Variants in PCDH15 observed in about 807,000 individuals in gnomAD.
PCDH15 encodes protocadherin-15.
A neutral mutation model predicts 178.5 loss-of-function variants in PCDH15; 129 were observed. The ratio of observed to expected loss-of-function variants is 0.72; its 90% CI spans 0.63 to 0.84. The LOEUF (loss-of-function observed/expected upper bound fraction) is 0.84. Among genes scored for constraint, PCDH15 ranks in the 40% least tolerant of loss-of-function variants. The probability of loss-of-function intolerance (pLI) is 0.00; values close to 1 mark genes in which losing one functional copy is unlikely to be tolerated. For synonymous variants in PCDH15, 800 were observed against 732.0 expected, an observed-to-expected ratio of 1.09 and a Z score of -1.50; for missense variants, 2,230 against 2,099.9, an observed-to-expected ratio of 1.06 and a Z score of -1.21.
intron 2 of PCDH15, among the ~76,000 whole-genome samples, chr10:55,417,277 G>A (rs1271403404): frequency 6.6e-6 from 1 of 151,602 alleles, no homozygotes; most frequent in Non-Finnish European, 1.5e-5. Flanking sequence ...CCAAATCATA[G>A]TGCAGCTATA....
intron 9 of PCDH15, among the ~76,000 whole-genome samples, chr10:54,218,743 T>C (rs563826996): frequency 3.3e-5 from 5 of 151,674 alleles, no homozygotes; most frequent in Non-Finnish European, 7.3e-5. Flanking sequence ...TATGAAACAG[T>C]TTTGAGAAAA....
At chr10:54,571,505 C>T (rs2089837333) in intron 2 of PCDH15, among the ~76,000 whole-genome samples, 1 of 151,980 alleles carries the variant, frequency 6.6e-6, no homozygotes, top group Non-Finnish European at 1.5e-5. Flanking sequence ...CTCATTAGAA[C>T]ACAATTATAA....
chr10:54,652,966 G>T (rs2094295311), intron 2 of PCDH15, among the ~76,000 whole-genome samples: 1 of 152,024 alleles, frequency 6.6e-6, no homozygotes, highest in Non-Finnish European at 1.5e-5. Flanking sequence ...GTTTTATTAA[G>T]AATACAAACA....
At chr10:54,082,879 A>T (rs986886835) in intron 16 of PCDH15, among the ~76,000 whole-genome samples, 1 of 152,118 alleles carries the variant, frequency 6.6e-6, no homozygotes, top group East Asian at 1.9e-4. Context: ...TATTTCCAGA[A>T]TATATAAAGG....
intron 1 of PCDH15, among the ~76,000 whole-genome samples, chr10:55,201,986 A>G (rs1840264326): frequency 6.6e-6 from 1 of 152,116 alleles, no homozygotes; most frequent in Admixed American, 6.5e-5. Context: ...AACTGCTTGT[A>G]GTAATTTCCT....
chr10:55,547,897 C>A (rs66717912), intron 2 of PCDH15, among the ~76,000 whole-genome samples: 1 of 102,054 alleles, frequency 9.8e-6, no homozygotes, highest in Non-Finnish European at 1.9e-5. Context: ...GTGTGTGTGT[C>A]TGTGTGTGTG....
chr10:55,560,913 G>A (rs568321954), intron 2 of PCDH15, among the ~76,000 whole-genome samples: 1 of 151,768 alleles, frequency 6.6e-6, no homozygotes, highest in South Asian at 2.1e-4. Flanking sequence ...AACTTTTGTT[G>A]CAAAAATTTC....
At chr10:54,049,528 T>C (rs1019618012) in intron 18 of PCDH15, among the ~76,000 whole-genome samples, 1 of 152,212 alleles carries the variant, frequency 6.6e-6, no homozygotes, top group Non-Finnish European at 1.5e-5. Context: ...TCTGATTATT[T>C]TGAAGTATTT....
intron 2 of PCDH15, among the ~76,000 whole-genome samples, chr10:54,981,948 T>C (rs1416270994): frequency 6.6e-6 from 1 of 151,560 alleles, no homozygotes; most frequent in Non-Finnish European, 1.5e-5. Flanking sequence ...TTTTTTTTTT[T>C]CTTTATAGAA....
chr10:54,853,318 T>TATATATATAC (rs1194965974), intron 3 of PCDH15, among the ~76,000 whole-genome samples: 2,085 of 101,548 alleles, frequency 0.021, 27 homozygotes, highest in Admixed American at 0.031. Context: ...TATATATATA[T>TATATATATAC]ACATACACAC....
intron 2 of PCDH15, among the ~76,000 whole-genome samples, chr10:54,921,498 G>A (rs1837486529): frequency 6.6e-6 from 1 of 151,952 alleles, no homozygotes. Flanking sequence ...TCCTTTCTCT[G>A]GTAGGACCAA....
intron 1 of PCDH15, among the ~76,000 whole-genome samples, chr10:55,219,381 C>T (rs1019856398): frequency 2.0e-5 from 3 of 151,822 alleles, no homozygotes; most frequent in Non-Finnish European, 2.9e-5. Context: ...CTAACAGTCC[C>T]GATGCAGCAC....
chr10:55,463,951 AAG>A lies in PCDH15; in HGVS notation c.-156+163672_-156+163673del, dbSNP rs1192293635. Among the ~76,000 whole-genome samples the A allele has an allele frequency of 8.6e-4, 34 of 39,752 alleles. 7 individuals carry two copies. The highest frequency in any genetic ancestry group is 3.3e-3 in the African/African-American group (21 of 6,330). The allele number at this position is 39,752 out of a possible 152,430, so 26.1% of individuals were successfully genotyped here. A position where few individuals can be genotyped will look rare whatever the true frequency, so the allele number is the denominator to read the frequency against. ...AAAGAAAGAAAGAAAGAAAGAAAGA[AAG>A]AAAGAAAGAAAGAAAGAAAGAGAAA... On this transcript the variant is annotated intron_variant, in intron 2 of 5. Transcript: ENST00000613346.
At chr10:55,293,509 A>T (rs1843063637) in intron 1 of PCDH15, among the ~76,000 whole-genome samples, 1 of 152,220 alleles carries the variant, frequency 6.6e-6, no homozygotes, top group East Asian at 1.9e-4. Flanking sequence ...CAAATTTTTC[A>T]AACTTTTATG....
At chr10:53,833,984 C>A (rs1026112361) in intron 29 of PCDH15, among the ~76,000 whole-genome samples, 1 of 152,036 alleles carries the variant, frequency 6.6e-6, no homozygotes, top group Non-Finnish European at 1.5e-5. Context: ...ATATTAACAA[C>A]AATAACTAAT....
intron 3 of PCDH15, among the ~76,000 whole-genome samples, chr10:54,478,535 G>C (rs1378691932): frequency 6.6e-6 from 1 of 151,962 alleles, no homozygotes; most frequent in Non-Finnish European, 1.5e-5. Flanking sequence ...ACAAGAAAAG[G>C]ATTTCTACTT....
At chr10:54,409,391 G>T (rs1212276158) in intron 3 of PCDH15, among the ~76,000 whole-genome samples, 1 of 152,050 alleles carries the variant, frequency 6.6e-6, no homozygotes, top group African/African-American at 2.4e-5. Context: ...CCTTCAGCTT[G>T]AAGAAGCTAG....
At chr10:55,392,973 A>C (rs528116397) in intron 2 of PCDH15, among the ~76,000 whole-genome samples, 1 of 138,320 alleles carries the variant, frequency 7.2e-6, no homozygotes, top group South Asian at 2.4e-4. Flanking sequence ...CTAAGAACTA[A>C]AGTGTATGTG....
At chr10:54,143,456 T>C (rs1266708806) in intron 14 of PCDH15, among the ~76,000 whole-genome samples, 1 of 152,162 alleles carries the variant, frequency 6.6e-6, no homozygotes, top group Admixed American at 6.6e-5. Context: ...ATTGCTTCTT[T>C]GGTGTTCGTG....
Sources: gnomAD v4.1 joint callset for allele counts (sites outside exome capture counted in the v4.1 genomes callset) on GRCh38, gnomAD v4.1.1 for gene constraint, MANE v1.5 for transcripts, NCBI Gene and HGNC (gene_info 2026-07-23, HGNC 2026-07-21) for gene names.